NRF1: variants seen among roughly 807,000 people sequenced by gnomAD.
NRF1 encodes the protein nuclear respiratory factor 1.
In NRF1, 5 loss-of-function variants were observed where a neutral mutation model predicts 58.5. That is an observed-to-expected ratio of 0.09 (90% CI 0.04 to 0.18). The LOEUF (loss-of-function observed/expected upper bound fraction) is 0.18, where lower values mean the gene tolerates loss of function less well. NRF1 is among the 10% of genes least tolerant of loss of function. The probability of loss-of-function intolerance (pLI) is 1.00; values close to 1 mark genes in which losing one functional copy is unlikely to be tolerated. For missense variants in NRF1, 288 were observed against 657.7 expected, an observed-to-expected ratio of 0.44 and a Z score of 6.15; for synonymous variants, 224 against 246.7, an observed-to-expected ratio of 0.91 and a Z score of 0.86.
chr7:129,662,340 A>G (rs1801802155), intron 2 of NRF1, among the ~76,000 whole-genome samples: 1 of 151,474 alleles, frequency 6.6e-6, no homozygotes, highest in Non-Finnish European at 1.5e-5. Context: ...TTTAACCAAA[A>G]CTACTAACCA....
At chr7:129,743,664 T>G (rs1803901111) in intron 10 of NRF1, among the ~76,000 whole-genome samples, 1 of 152,232 alleles carries the variant, frequency 6.6e-6, no homozygotes, top group Non-Finnish European at 1.5e-5. Context: ...AGAAGTGGCC[T>G]GTTGGTTTTA....
intron 10 of NRF1, among the ~76,000 whole-genome samples, chr7:129,740,083 G>A (rs750701012): frequency 6.6e-6 from 1 of 152,096 alleles, no homozygotes; most frequent in Non-Finnish European, 1.5e-5. Flanking sequence ...CTTCTCAAAC[G>A]TGTCCTCCTC....
intron 1 of NRF1, among the ~76,000 whole-genome samples, chr7:129,644,024 AC>A (rs1411487107): frequency 6.6e-6 from 1 of 152,058 alleles, no homozygotes; most frequent in African/African-American, 2.4e-5. Flanking sequence ...CTGGAGCCTG[AC>A]GAGCTTCTGA....
intron 4 of NRF1, among the ~76,000 whole-genome samples, chr7:129,685,200 T>C (rs189653058): frequency 2.8e-4 from 42 of 152,330 alleles, no homozygotes; most frequent in Admixed American, 4.6e-4. Context: ...AATTATGGTA[T>C]CTTGTCTGGG....
At chr7:129,726,974 G>A (rs1212106359) in intron 9 of NRF1, among the ~76,000 whole-genome samples, 1 of 152,214 alleles carries the variant, frequency 6.6e-6, no homozygotes, top group Non-Finnish European at 1.5e-5. Context: ...AGTGCCTTCT[G>A]TCCTCAAACA....
chr7:129,664,528 T>A (rs1801877145), intron 2 of NRF1, among the ~76,000 whole-genome samples: 1 of 152,194 alleles, frequency 6.6e-6, no homozygotes, highest in Non-Finnish European at 1.5e-5. Flanking sequence ...AAAATAAGTC[T>A]TAGGGGCAAA....
intron 2 of NRF1, among the ~76,000 whole-genome samples, chr7:129,664,904 G>C (rs1016883063): frequency 1.3e-5 from 2 of 152,224 alleles, no homozygotes; most frequent in Non-Finnish European, 2.9e-5. Flanking sequence ...TTATTGGGGG[G>C]AGAAAAGAGT....
At chr7:129,612,279 C>T (rs919984676) in intron 1 of NRF1, among the ~76,000 whole-genome samples, 13 of 120,716 alleles carry the variant, frequency 1.1e-4, no homozygotes, top group African/African-American at 3.6e-4. Flanking sequence ...CCCCTCGGCC[C>T]TTCCCGGCTC....
At chr7:129,628,379 GTATGT>G (rs1281286413) in intron 1 of NRF1, among the ~76,000 whole-genome samples, 2 of 151,774 alleles carry the variant, frequency 1.3e-5, no homozygotes, top group Non-Finnish European at 2.9e-5. Context: ...TTTTATTTAT[GTATGT>G]TATAACTTTT....
intron 5 of NRF1, among the ~76,000 whole-genome samples, chr7:129,692,396 C>A (rs1018963247): frequency 1.3e-5 from 2 of 151,850 alleles, no homozygotes; most frequent in African/African-American, 2.4e-5. Flanking sequence ...ACAAAAAATA[C>A]AAAAATTAGC....
chr7:129,619,417 TA>T, intron 1 of NRF1, among the ~76,000 whole-genome samples: 1 of 96,598 alleles, frequency 1.0e-5, no homozygotes, highest in East Asian at 3.5e-4. Flanking sequence ...TATATATATA[TA>T]TATATATATA....
At chr7:129,731,385 C>A (rs998861958) in intron 10 of NRF1, among the ~76,000 whole-genome samples, 2 of 152,114 alleles carry the variant, frequency 1.3e-5, no homozygotes, top group Admixed American at 1.3e-4. Context: ...CTGAAGACTT[C>A]TTTCTGGACA....
chr7:129,665,151 C>T (rs6467257), intron 2 of NRF1, among the ~76,000 whole-genome samples: 134,030 of 152,214 alleles, frequency 0.88, 59,094 homozygotes, highest in East Asian at 0.93. Flanking sequence ...CTGAGAAACA[C>T]TGAAAGCAAG....
chr7:129,661,785 C>G (rs909064735), intron 2 of NRF1, among the ~76,000 whole-genome samples: 7 of 151,074 alleles, frequency 4.6e-5, no homozygotes, highest in African/African-American at 1.7e-4. Flanking sequence ...AGCCTATTAC[C>G]CAGTTCCAAA....
Position 129,717,260 on chromosome 7 carries a change from C to G in NRF1, c.1107C>G (p.Thr369=). The G allele has an allele frequency of 6.2e-7, 1 of 1,613,666 alleles. No individual in the cohort carries two copies. Among genetic ancestry groups the G allele is most frequent in the Non-Finnish European group, 8.5e-7 (1 of 1,179,826 alleles). ...CCACGTTACAGGGAGGTGAGATGAC[C>G]ATCCAGACGACGCAAGCATCAGAGG... The part of the protein sequence containing the change: ...NWATLQGGEM[T]IQTTQASEAT... Residue 369 remains threonine, a synonymous_variant, in exon 9 of 11, where the codon ACC becomes ACG. Coordinates refer to ENST00000393232, the MANE Select transcript of NRF1 (RefSeq NM_005011.5).
chr7:129,756,048 T>C lies in NRF1; in HGVS notation c.*867T>C, dbSNP rs574228361. 2.0e-5 allele frequency: 3 copies of C among 152,550 alleles called. No homozygotes were observed. Among genetic ancestry groups the C allele is most frequent in the African/African-American group, 4.8e-5 (2 of 41,408 alleles). The allele number at this position is 152,550 out of a possible 1,614,324, so 9.4% of individuals were successfully genotyped here. On this transcript the variant is annotated 3_prime_UTR_variant, in exon 11 of 11. Coordinates refer to ENST00000393232, the MANE Select transcript of NRF1 (RefSeq NM_005011.5). The stretch of plus-strand genomic sequence containing the variant: ...ATTGCTCGTATATATGAACTGAAGG[T>C]AACCGAAGTATTAGGGGTTTGAGGA...
At chr7:129,711,674 C>T in intron 8 of NRF1, 98 bp downstream of exon 8, 1 of 897,054 alleles carries the variant, frequency 1.1e-6, no homozygotes. Context: ...ATGTCTGCGG[C>T]ACTCTTTCAT....
chr7:129,716,251 A>C (rs1468445729), intron 8 of NRF1, among the ~76,000 whole-genome samples: 1 of 152,168 alleles, frequency 6.6e-6, no homozygotes, highest in Non-Finnish European at 1.5e-5. Context: ...GAATAGCTCT[A>C]CAAAGGTACA....
chr7:129,639,854 C>T (rs535071896), intron 1 of NRF1, among the ~76,000 whole-genome samples: 8 of 152,202 alleles, frequency 5.3e-5, no homozygotes, highest in South Asian at 2.1e-4. Flanking sequence ...TTCCGCCCCC[C>T]CTTTTTTAAA....
Sources: gnomAD v4.1 joint callset for allele counts (sites outside exome capture counted in the v4.1 genomes callset) on GRCh38, gnomAD v4.1.1 for gene constraint, MANE v1.5 for transcripts, NCBI Gene and HGNC (gene_info 2026-07-23, HGNC 2026-07-21) for gene names.